ADAD1: variants seen among roughly 807,000 people sequenced by gnomAD.
The protein encoded by ADAD1 is adenosine deaminase domain-containing protein 1.
Under a neutral mutation model 66.8 loss-of-function variants are expected in ADAD1, and 46 were observed. The observed-to-expected ratio is 0.69, with a 90% CI of 0.54 to 0.88. ADAD1 has a LOEUF of 0.88. ADAD1 is among the 40% of genes least tolerant of loss of function. The probability of loss-of-function intolerance (pLI) is 0.00; values close to 1 mark genes in which losing one functional copy is unlikely to be tolerated. For missense variants in ADAD1, 617 were observed against 681.8 expected (o/e 0.91, Z 1.06); for synonymous variants, 248 against 229.4 (o/e 1.08, Z -0.73).
intron 9 of ADAD1, 53 bp downstream of exon 9, chr4:122,411,445 A>G: frequency 2.0e-6 from 3 of 1,495,924 alleles, no homozygotes; most frequent in Non-Finnish European, 2.7e-6. Flanking sequence ...CATGCCATAC[A>G]TTCTGACTTT....
intron 10 of ADAD1, among the ~76,000 whole-genome samples, chr4:122,414,329 A>C (rs918699642): frequency 8.0e-5 from 12 of 150,576 alleles, no homozygotes; most frequent in African/African-American, 2.9e-4. Flanking sequence ...TAATAAATAC[A>C]TTAGGCTTTT....
rs756490123 is a variant in ADAD1, at chr4:122,412,672, A to T, written c.1112A>T (p.Tyr371Phe). 6.2e-6 allele frequency: 10 copies of T among 1,613,900 alleles called. No individual in the cohort carries two copies. In the South Asian group the frequency reaches 1.1e-4, roughly 18 times the overall value. ...AVEGKIYLTV[Y>F]CPKDGVNRIS... ...GAAGGCAAAATTTATCTGACTGTTT[A>T]CTGTCCTAAAGATGGTGTTAATAGA... The change falls in exon 10 of 13, where the codon TAC becomes TTC. Residue 371 changes from tyrosine to phenylalanine, a missense_variant. Tyr to Phe is a conservative substitution (Grantham distance 22, BLOSUM62 3). Coordinates refer to ENST00000296513, the MANE Select transcript of ADAD1 (RefSeq NM_139243.4).
At chr4:122,381,297 C>T in intron 4 of ADAD1, 117 bp downstream of exon 4, 3 of 1,038,686 alleles carry the variant, frequency 2.9e-6, no homozygotes, top group Non-Finnish European at 2.7e-6. Flanking sequence ...TATGTTTTCA[C>T]AAGAATACTT....
intron 11 of ADAD1, among the ~76,000 whole-genome samples, chr4:122,419,176 C>G (rs984740165): frequency 6.6e-6 from 1 of 152,156 alleles, no homozygotes; most frequent in Non-Finnish European, 1.5e-5. Flanking sequence ...GGTACATATA[C>G]ATCATGGAAT....
intron 11 of ADAD1, among the ~76,000 whole-genome samples, chr4:122,420,613 G>A (rs1168929469): frequency 6.6e-6 from 1 of 152,188 alleles, no homozygotes; most frequent in Non-Finnish European, 1.5e-5. Context: ...TGGAAACTAG[G>A]AGGAATGAAG....
chr4:122,383,886 C>A lies in ADAD1; in HGVS notation c.449C>A (p.Ser150Tyr). The change falls in exon 5 of 13, where the codon TCT (serine) becomes TAT (tyrosine). Residue 150 changes from serine to tyrosine, a missense_variant. Physicochemically the swap from Ser to Tyr is moderately radical, Grantham distance 144. Coordinates refer to ENST00000296513, the MANE Select transcript of ADAD1 (RefSeq NM_139243.4). ...GGACTGGGACAAAATAAAAAGGAGT[C>A]TAGATCCAATGCAGCAAAATTAGCT... Reference protein sequence around the residue: ...KTGLGQNKKESRSNAAKLALD... With the variant: ...KTGLGQNKKEYRSNAAKLALD... 1 of 1,613,936 alleles carries A rather than the reference C, an allele frequency of 6.2e-7. No individual in the cohort carries two copies. Among genetic ancestry groups the A allele is most frequent in the Non-Finnish European group, 8.5e-7 (1 of 1,179,920 alleles).
chr4:122,407,578 A>G (rs1311661800), intron 7 of ADAD1, among the ~76,000 whole-genome samples: 1 of 152,246 alleles, frequency 6.6e-6, no homozygotes, highest in Non-Finnish European at 1.5e-5. Flanking sequence ...GAAGTGTCTT[A>G]GAAGATCAAA....
At position 122,421,322 on chromosome 4, in the gene ADAD1, C is replaced by T. The variant is rs142214661; in HGVS notation, c.1549C>T (p.Arg517Trp). ...SRLCKAAMLSRFNLLAKEAKK... is the reference protein window; with the variant it reads ...SRLCKAAMLSWFNLLAKEAKK... ...GCTTTGTAAGGCTGCAATGTTAAGT[C>T]GGTTTAACCTGCTTGCCAAAGAAGC... The change falls in exon 12 of 13, where the codon CGG becomes TGG. Residue 517 changes from arginine to tryptophan, a missense_variant. Arg to Trp is a moderately radical substitution (Grantham distance 101). Transcript: ENST00000296513. 1,115 of 1,606,182 alleles carry T rather than the reference C, an allele frequency of 6.9e-4. 1 individual carries two copies. Among genetic ancestry groups the T allele is most frequent in the Non-Finnish European group, 9.0e-4 (1,052 of 1,174,592 alleles).
chr4:122,407,781 GAATT>G, intron 7 of ADAD1, 123 bp from the exon 8 acceptor site: 2 of 1,061,912 alleles, frequency 1.9e-6, no homozygotes, highest in Non-Finnish European at 2.6e-6. Context: ...TTAAATTGTG[GAATT>G]ATTTTTTCAT....
At chr4:122,401,602 C>T (rs1476107551) in intron 7 of ADAD1, among the ~76,000 whole-genome samples, 4 of 152,028 alleles carry the variant, frequency 2.6e-5, no homozygotes, top group Admixed American at 6.6e-5. Flanking sequence ...GTATTAAAGT[C>T]CCCGACTATT....
At chr4:122,393,042 T>C (rs1265065039) in intron 5 of ADAD1, among the ~76,000 whole-genome samples, 1 of 151,514 alleles carries the variant, frequency 6.6e-6, no homozygotes, top group Non-Finnish European at 1.5e-5. Flanking sequence ...CCTGATTTTT[T>C]TTTTTTTTTT....
At chr4:122,400,603 G>A (rs1795929309) in intron 7 of ADAD1, among the ~76,000 whole-genome samples, 1 of 152,082 alleles carries the variant, frequency 6.6e-6, no homozygotes, top group East Asian at 1.9e-4. Flanking sequence ...TTGAATGTCT[G>A]ATAGAATTCA....
intron 10 of ADAD1, 56 bp from the exon 11 acceptor site, chr4:122,415,323 T>C: frequency 7.5e-7 from 1 of 1,341,358 alleles, no homozygotes. Context: ...TTCATTTATT[T>C]TATTTTGGGA....
chr4:122,422,121 CTTTTTTTTTT>C (rs10713074), intron 12 of ADAD1, among the ~76,000 whole-genome samples: 2 of 113,858 alleles, frequency 1.8e-5, no homozygotes, highest in Non-Finnish European at 3.5e-5. Flanking sequence ...CATGAACATC[CTTTTTTTTTT>C]TTTTTTTTTT....
chr4:122,416,751 G>GA (rs1468274217), intron 11 of ADAD1, among the ~76,000 whole-genome samples: 1 of 150,666 alleles, frequency 6.6e-6, no homozygotes, highest in East Asian at 2.0e-4. Context: ...AAAAAAAAAA[G>GA]AAAAAAACAG....
chr4:122,391,600 A>G (rs552513106), intron 5 of ADAD1, among the ~76,000 whole-genome samples: 1 of 152,186 alleles, frequency 6.6e-6, no homozygotes, highest in Non-Finnish European at 1.5e-5. Flanking sequence ...CCGCCCAATG[A>G]GGAAGGATGG....
chr4:122,393,532 C>T (rs1170382654), intron 5 of ADAD1, 57 bp from the exon 6 acceptor site: 1 of 1,446,600 alleles, frequency 6.9e-7, no homozygotes, highest in South Asian at 1.4e-5. Context: ...AAAAGAAATA[C>T]CAGCTCTTTG....
rs545237822 is a variant in ADAD1 at position 122,421,650 on chromosome 4, A to G, written c.1617+260A>G. On this transcript the variant is annotated intron_variant, in intron 12 of 12. Transcript: ENST00000296513. ...GGTTACATAGCACTTAAAACCTGCT[A>G]TGTCATACCAGAGAAACAAAATGTT... Among the ~76,000 whole-genome samples, 21 of 152,276 alleles carry G rather than the reference A, an allele frequency of 1.4e-4. 2 individuals carry two copies. Among genetic ancestry groups the G allele is most frequent in the Middle Eastern group, 3.4e-3 (1 of 294 alleles).
In ADAD1 at chr4:122,396,350, T is replaced by G. The variant is rs1351562335; in HGVS notation, c.697T>G (p.Ser233Ala). The G allele has an allele frequency of 1.3e-6, 2 of 1,590,546 alleles. No homozygotes were observed. The highest frequency in any genetic ancestry group is 1.7e-6 in the Non-Finnish European group (2 of 1,170,510). The change falls in exon 7 of 13, where the codon TCA becomes GCA. Residue 233 changes from serine (S) to alanine (A), a missense_variant. Transcript: ENST00000296513. ...TTCAGAATACCTGAAATATAGCAGTTCATTGGCTGCTTTTATAATTGAAAG... is the reference window on the plus strand; with the variant it reads ...TTCAGAATACCTGAAATATAGCAGTGCATTGGCTGCTTTTATAATTGAAAG... The part of the protein sequence containing the change: ...NRSEYLKYSS[S>A]LAAFIIERAG...
Sources: allele counts gnomAD v4.1 joint callset (sites outside exome capture counted in the v4.1 genomes callset), GRCh38; gene constraint gnomAD v4.1.1; transcripts MANE v1.5; gene names NCBI Gene and HGNC (gene_info 2026-07-23, HGNC 2026-07-21).